SIN3B: variants seen among roughly 807,000 people sequenced by gnomAD.
SIN3B encodes the protein paired amphipathic helix protein Sin3b.
Under a neutral mutation model 120.2 loss-of-function variants are expected in SIN3B, and 19 were observed. The ratio of observed to expected loss-of-function variants is 0.16; its 90% confidence interval spans 0.11 to 0.23. The LOEUF is 0.23. Ranked by LOEUF, SIN3B falls within the 10% of genes least tolerant of loss-of-function variation. SIN3B has a pLI of 1.00. For synonymous variants in SIN3B, 654 were observed against 653.2 expected (o/e 1.00, Z -0.02); for missense variants, 1,073 against 1,573.0 (o/e 0.68, Z 5.38).
rs968943597 is a variant in SIN3B, at chr19:16,876,093, G to C, written c.2631G>C (p.Val877=). 6 of 1,588,482 alleles carry C rather than the reference G, an allele frequency of 3.8e-6. No individual in the cohort carries two copies. Among genetic ancestry groups the C allele is most frequent in the Non-Finnish European group, 4.3e-6 (5 of 1,168,658 alleles). ...HLVSDDVCLK[V]VELYLNEKKR... ...TGAGCGATGACGTCTGCCTGAAGGT[G>C]GTGGAGCTCTACCTGAACGAGAAGA... Residue 877 remains valine, a synonymous_variant, in exon 15 of 19, where the codon GTG becomes GTC. Coordinates refer to ENST00000248054, the MANE Select transcript of SIN3B (RefSeq NM_001297595.2). The surrounding 1 kb of genome is among the most constrained non-coding windows in gnomAD (Gnocchi z 7.1).
chr19:16,854,422 A>G (rs2144598805), intron 8 of SIN3B, 161 bp downstream of exon 8: 2 of 585,758 alleles, frequency 3.4e-6, no homozygotes, highest in East Asian at 5.9e-5. Context: ...ATGCATTTGT[A>G]AGGAGCAATA....
At chr19:16,857,560 T>TATATAC (rs1568419741) in intron 8 of SIN3B, among the ~76,000 whole-genome samples, 1 of 151,318 alleles carries the variant, frequency 6.6e-6, no homozygotes, top group African/African-American at 2.4e-5. Context: ...TGTGTATATA[T>TATATAC]ACACATAAAC....
chr19:16,878,761 A>C lies in SIN3B; in HGVS notation c.*34A>C. 1 of 1,549,356 alleles carries C rather than the reference A, an allele frequency of 6.5e-7. No individual in the cohort carries two copies. The highest frequency in any genetic ancestry group is 8.7e-7 in the Non-Finnish European group (1 of 1,148,912). On this transcript the variant is annotated 3_prime_UTR_variant, in exon 19 of 19. Transcript: ENST00000248054. ...CATGGGCACCGGGCAGGCGCCTCAC[A>C]GAGCACAGACGTGCCCTCGGCCTTG...
chr19:16,841,980 G>A lies in SIN3B; in HGVS notation c.582+12G>A. 6.2e-7 allele frequency: 1 copy of A among 1,607,048 alleles called. No homozygotes were observed. The highest frequency in any genetic ancestry group is 8.5e-7 in the Non-Finnish European group (1 of 1,173,906). ...TGCACACGTACCAGGTAAGAACTCA[G>A]ATTACAATTCCTTGTGGGTTTTGGA... On this transcript the variant is annotated intron_variant, in intron 4 of 18. Transcript: ENST00000248054.
At chr19:16,851,363 G>A in intron 5 of SIN3B, 49 bp from the exon 6 acceptor site, 2 of 1,513,136 alleles carry the variant, frequency 1.3e-6, no homozygotes, top group South Asian at 2.6e-5. Flanking sequence ...TCAGGTGCAT[G>A]GGTCCAGCCA....
chr19:16,865,710 C>T, intron 11 of SIN3B, 62 bp downstream of exon 11: 1 of 1,067,194 alleles, frequency 9.4e-7, no homozygotes. Context: ...CCCTCCCCTC[C>T]CCTCCCCTCC....
intron 3 of SIN3B, among the ~76,000 whole-genome samples, chr19:16,834,283 A>G (rs1971317050): frequency 6.6e-6 from 1 of 152,138 alleles, no homozygotes; most frequent in African/African-American, 2.4e-5. Context: ...CCTGTCACTC[A>G]CTCAGAAAGA....
intron 8 of SIN3B, among the ~76,000 whole-genome samples, chr19:16,860,752 C>T (rs1971677110): frequency 6.6e-6 from 1 of 152,062 alleles, no homozygotes; most frequent in Admixed American, 6.5e-5. Flanking sequence ...CAGGCGCCCG[C>T]CACCACGCCC....
intron 14 of SIN3B, among the ~76,000 whole-genome samples, chr19:16,873,630 T>G (rs1469002152): frequency 6.6e-6 from 1 of 151,504 alleles, no homozygotes; most frequent in Non-Finnish European, 1.5e-5. Flanking sequence ...AAGCATTGAT[T>G]AATGCTTTAA....
intron 3 of SIN3B, among the ~76,000 whole-genome samples, chr19:16,832,191 CTTTTTT>C (rs10528185): frequency 1.8e-4 from 23 of 125,464 alleles, no homozygotes; most frequent in Middle Eastern, 4.8e-3. Context: ...TGCTGGCCCT[CTTTTTT>C]TTTTTTTTTT....
Position 16,854,235 on chromosome 19 carries a change from C to A in SIN3B, c.1032C>A (p.Leu344=), listed in dbSNP as rs1053018605. 6.2e-7 allele frequency: 1 copy of A among 1,612,392 alleles called. No individual in the cohort carries two copies. The highest frequency in any genetic ancestry group is 8.5e-7 in the Non-Finnish European group (1 of 1,179,672). ...FNQELVSGSE[L]LQLVSPFLGK... is the part of the protein sequence containing the mutation. ...AGGAGCTGGTGTCTGGCTCTGAGCTCCTGCAGCTCGTCAGCCCATTTCTGG... is the reference window on the plus strand; with the variant it reads ...AGGAGCTGGTGTCTGGCTCTGAGCTACTGCAGCTCGTCAGCCCATTTCTGG... Residue 344 remains leucine, a synonymous_variant, in exon 8 of 19, where the codon CTC becomes CTA. Coordinates refer to ENST00000248054, the MANE Select transcript of SIN3B (RefSeq NM_001297595.2).
intron 13 of SIN3B, 92 bp from the exon 14 acceptor site, chr19:16,871,133 TGGGG>T (rs2051504701): frequency 6.7e-7 from 1 of 1,485,350 alleles, no homozygotes; most frequent in South Asian, 1.2e-5. Flanking sequence ...TTGGGCCCCA[TGGGG>T]GCATTTGTTG....
intron 3 of SIN3B, among the ~76,000 whole-genome samples, chr19:16,836,489 C>A (rs1390032320): frequency 6.6e-6 from 1 of 152,130 alleles, no homozygotes; most frequent in Admixed American, 6.6e-5. Context: ...CATTCTTACA[C>A]CACCCTGGGT....
chr19:16,838,256 A>G (rs1971372575), intron 3 of SIN3B, among the ~76,000 whole-genome samples: 1 of 152,218 alleles, frequency 6.6e-6, no homozygotes, highest in Non-Finnish European at 1.5e-5. Flanking sequence ...TTAAAGTGTT[A>G]GTATATTCAC....
Position 16,866,545 on chromosome 19 carries a change from G to A in SIN3B, c.1795G>A (p.Val599Ile), listed in dbSNP as rs749797171. 70 of 1,613,596 alleles carry A rather than the reference G, an allele frequency of 4.3e-5. 1 individual carries two copies. Among genetic ancestry groups the A allele is most frequent in the South Asian group, 4.2e-4 (38 of 91,086 alleles). Reference sequence around the variant, plus strand: ...GAGCTTGCTCAACGAGATCGAGAGCGTCTACGACGAGGTAAAGCCTTCCCT... The same window carrying A: ...GAGCTTGCTCAACGAGATCGAGAGCATCTACGACGAGGTAAAGCCTTCCCT... ...SKSLLNEIES[V>I]YDEHQEQHSE... The change falls in exon 12 of 19, where the codon GTC becomes ATC. Residue 599 changes from valine to isoleucine, a missense_variant. Around this residue, in one of 7 missense-constraint regions of SIN3B, gnomAD observed 169 missense variants for 207.3 expected, o/e 0.82. Transcript: ENST00000248054.
chr19:16,857,425 T>C (rs917267485), intron 8 of SIN3B, among the ~76,000 whole-genome samples: 1 of 152,064 alleles, frequency 6.6e-6, no homozygotes, highest in Admixed American at 6.6e-5. Flanking sequence ...GGCAGCAAGC[T>C]GGACTTTTTT....
chr19:16,841,821 G>T lies in SIN3B; in HGVS notation c.435G>T (p.Pro145=). Residue 145 remains proline (P), a synonymous_variant, in exon 4 of 19, where the codon CCG becomes CCT. Transcript: ENST00000248054. ...CAGAGGACTTCAAGCAGCAGGTGCCGTATAAAGAGGACAAACCCCAGGTGC... is the reference window on the plus strand; with the variant it reads ...CAGAGGACTTCAAGCAGCAGGTGCCTTATAAAGAGGACAAACCCCAGGTGC... ...DGAEDFKQQV[P]YKEDKPQVPL... is the part of the protein sequence containing the mutation. 6.2e-7 allele frequency: 1 copy of T among 1,613,954 alleles called. No homozygotes were observed. The highest frequency in any genetic ancestry group is 2.2e-5 in the East Asian group (1 of 44,886).
chr19:16,871,273 G>C lies in SIN3B; in HGVS notation c.2467G>C (p.Val823Leu). ...EEYYPAFLDM[V>L]RSLLEGSIDP... is the part of the protein sequence containing the mutation. ...GTACTACCCGGCCTTCCTGGACATGGTGCGGAGCCTGCTGGAGGGCAGCAT... is the reference window on the plus strand; with the variant it reads ...GTACTACCCGGCCTTCCTGGACATGCTGCGGAGCCTGCTGGAGGGCAGCAT... The change falls in exon 14 of 19, where the codon GTG becomes CTG. Residue 823 changes from valine (V) to leucine (L), a missense_variant. This residue lies in a region of SIN3B where 24 missense variants were observed against 65.7 expected (regional missense o/e 0.37). Coordinates refer to ENST00000248054, the MANE Select transcript of SIN3B (RefSeq NM_001297595.2). 1 of 1,614,218 alleles carries C rather than the reference G, an allele frequency of 6.2e-7. No individual in the cohort carries two copies. Among genetic ancestry groups the C allele is most frequent in the Non-Finnish European group, 8.5e-7 (1 of 1,180,036 alleles).
chr19:16,840,332 C>T (rs552105694), intron 3 of SIN3B, among the ~76,000 whole-genome samples: 4 of 152,266 alleles, frequency 2.6e-5, no homozygotes, highest in African/African-American at 4.8e-5. Flanking sequence ...CAGGGACATG[C>T]GTGCACAGAG....
Sources: allele counts gnomAD v4.1 joint callset (sites outside exome capture counted in the v4.1 genomes callset), GRCh38; gene constraint gnomAD v4.1.1; regional missense constraint gnomAD v4.1.1; non-coding constraint Gnocchi (gnomAD v3.1); transcripts MANE v1.5; gene names NCBI Gene and HGNC (gene_info 2026-07-23, HGNC 2026-07-21).